The following GABRG3 variants were observed in gnomAD, a reference collection of about 807,000 sequenced individuals.
GABRG3 encodes gamma-aminobutyric acid type A receptor subunit gamma3.
Under a neutral mutation model 48.8 loss-of-function variants are expected in GABRG3, and 25 were observed. The observed-to-expected ratio is 0.51, with a 90% CI of 0.37 to 0.72. GABRG3 has a LOEUF of 0.72. Among genes scored for constraint, GABRG3 ranks in the 30% least tolerant of loss-of-function variants. GABRG3 has a pLI of 0.00. For synonymous variants in GABRG3, 227 were observed against 217.6 expected, an observed-to-expected ratio of 1.04 and a Z score of -0.38; for missense variants, 394 against 577.9, an observed-to-expected ratio of 0.68 and a Z score of 3.26.
chr15:27,011,742 G>A (rs1429314947), intron 2 of GABRG3, among the ~76,000 whole-genome samples: 1 of 151,978 alleles, frequency 6.6e-6, no homozygotes, highest in Non-Finnish European at 1.5e-5. Flanking sequence ...CAGCTACTCA[G>A]GAGGCTGAGG....
At chr15:27,456,438 T>A (rs775193558) in intron 5 of GABRG3, among the ~76,000 whole-genome samples, 34 of 152,200 alleles carry the variant, frequency 2.2e-4, no homozygotes, top group Non-Finnish European at 4.3e-4. Flanking sequence ...TTAGTGGCGC[T>A]GTGCTTTATT....
intron 3 of GABRG3, among the ~76,000 whole-genome samples, chr15:27,233,747 C>T (rs965093845): frequency 2.0e-5 from 3 of 152,132 alleles, no homozygotes; most frequent in Non-Finnish European, 4.4e-5. Context: ...CATTTTTCTA[C>T]AAAAGATACC....
At chr15:27,187,997 G>A (rs1357204607) in intron 3 of GABRG3, among the ~76,000 whole-genome samples, 1 of 150,736 alleles carries the variant, frequency 6.6e-6, no homozygotes, top group African/African-American at 2.4e-5. Context: ...TTGTTCTTGC[G>A]ACAGTTTACT....
At chr15:27,265,219 A>G (rs894808006) in intron 3 of GABRG3, among the ~76,000 whole-genome samples, 3 of 152,214 alleles carry the variant, frequency 2.0e-5, no homozygotes, top group South Asian at 2.1e-4. Context: ...CCTTATTTCT[A>G]TTACTACCTC....
intron 6 of GABRG3, among the ~76,000 whole-genome samples, chr15:27,500,403 G>A (rs963111707): frequency 1.3e-5 from 2 of 151,856 alleles, no homozygotes; most frequent in Admixed American, 1.3e-4. Context: ...TGTCAGCTAC[G>A]TTTCCCACCG....
chr15:27,153,903 T>C (rs1324112928), intron 3 of GABRG3, among the ~76,000 whole-genome samples: 1 of 152,236 alleles, frequency 6.6e-6, no homozygotes, highest in Non-Finnish European at 1.5e-5. Flanking sequence ...CTCTTCAGAT[T>C]GTGTTTTTTC....
At chr15:27,460,611 A>G (rs1595768888) in intron 5 of GABRG3, among the ~76,000 whole-genome samples, 1 of 152,158 alleles carries the variant, frequency 6.6e-6, no homozygotes, top group Non-Finnish European at 1.5e-5. Flanking sequence ...AACAGGCAGG[A>G]GGGTATCTTG....
chr15:27,000,932 T>C (rs1350847397), intron 2 of GABRG3, among the ~76,000 whole-genome samples: 1 of 152,214 alleles, frequency 6.6e-6, no homozygotes, highest in East Asian at 1.9e-4. Context: ...TGGGAACAGA[T>C]CCTGTTCCCA....
chr15:27,271,245 T>C (rs927151974), intron 3 of GABRG3, among the ~76,000 whole-genome samples: 3 of 152,190 alleles, frequency 2.0e-5, no homozygotes. Flanking sequence ...CCCTGCACGC[T>C]GAAAGGGCTT....
chr15:27,407,085 G>A (rs74991760), intron 5 of GABRG3, among the ~76,000 whole-genome samples: 392 of 152,054 alleles, frequency 2.6e-3, no homozygotes, highest in African/African-American at 8.5e-3. Flanking sequence ...GTGCGACCAC[G>A]GCCGGCTAAT....
intron 3 of GABRG3, among the ~76,000 whole-genome samples, chr15:27,287,563 C>A (rs1183030836): frequency 1.3e-5 from 2 of 152,006 alleles, no homozygotes; most frequent in African/African-American, 4.8e-5. Flanking sequence ...TATAATTATA[C>A]CATTTTAACT....
intron 5 of GABRG3, among the ~76,000 whole-genome samples, chr15:27,355,574 G>A (rs1376014674): frequency 6.6e-6 from 1 of 152,250 alleles, no homozygotes; most frequent in Non-Finnish European, 1.5e-5. Context: ...TCCTCAAACA[G>A]TAAAGCATAG....
intron 3 of GABRG3, chr15:27,158,073 G>A (rs1242941123): frequency 2.0e-5 from 3 of 152,148 alleles, no homozygotes; most frequent in African/African-American, 2.4e-5. Context: ...TGGCTCTCCG[G>A]GTTTTTTCCT....
chr15:27,212,879 A>G (rs1889120271), intron 3 of GABRG3, among the ~76,000 whole-genome samples: 1 of 152,170 alleles, frequency 6.6e-6, no homozygotes, highest in Non-Finnish European at 1.5e-5. Flanking sequence ...TCATGTCCTC[A>G]AGGCTCATCC....
In GABRG3 at chr15:27,414,542, T is replaced by C. The variant is rs560036357; in HGVS notation, c.575-66108T>C. 5.9e-5 allele frequency among the ~76,000 whole-genome samples: 9 copies of C among 152,262 alleles called. 1 individual carries two copies. The highest frequency in any genetic ancestry group is 4.6e-4 in the Admixed American group (7 of 15,296). ...AACAAATGAAACAAGCATTTACAGA[T>C]GGGGAACTCAAAGGAAATCCAGGGA... On this transcript the variant is annotated intron_variant, in intron 5 of 9. Transcript: ENST00000615808.
At chr15:26,989,130 G>C (rs1895202632) in intron 2 of GABRG3, among the ~76,000 whole-genome samples, 2 of 152,110 alleles carry the variant, frequency 1.3e-5, no homozygotes, top group African/African-American at 4.8e-5. Context: ...CCATCACTAT[G>C]AATTTGCCTG....
At chr15:27,388,541 A>G (rs1284659101) in intron 5 of GABRG3, among the ~76,000 whole-genome samples, 1 of 152,204 alleles carries the variant, frequency 6.6e-6, no homozygotes, top group East Asian at 1.9e-4. Flanking sequence ...AGTACCATTG[A>G]TAGCATTCTC....
intron 8 of GABRG3, 61 bp downstream of exon 8, chr15:27,527,690 G>T: frequency 7.1e-7 from 1 of 1,408,898 alleles, no homozygotes; most frequent in Non-Finnish European, 9.8e-7. Context: ...AGATGAGTGT[G>T]TACTTAAATG....
chr15:27,288,360 C>A (rs1271355654), intron 3 of GABRG3, among the ~76,000 whole-genome samples: 1 of 151,694 alleles, frequency 6.6e-6, no homozygotes, highest in East Asian at 1.9e-4. Context: ...TACAACTCAC[C>A]ATAATGTAGA....
Sources: gnomAD v4.1 joint callset for allele counts (sites outside exome capture counted in the v4.1 genomes callset) on GRCh38, gnomAD v4.1.1 for gene constraint, MANE v1.5 for transcripts, NCBI Gene and HGNC (gene_info 2026-07-23, HGNC 2026-07-21) for gene names.